Variants in PSKH2 observed in about 807,000 individuals in gnomAD.
The protein encoded by PSKH2 is serine/threonine-protein kinase H2.
PSKH2 carries 16 observed loss-of-function variants against 22.5 expected under a neutral mutation model. The observed-to-expected ratio is 0.71, with a 90% CI of 0.48 to 1.08. The LOEUF is 1.08. PSKH2 is among the 50% of genes least tolerant of loss of function. The probability of loss-of-function intolerance (pLI) is 0.00; values close to 1 mark genes in which losing one functional copy is unlikely to be tolerated. For missense variants in PSKH2, 516 were observed against 492.8 expected, an observed-to-expected ratio of 1.05 and a Z score of -0.44; for synonymous variants, 188 against 184.8, an observed-to-expected ratio of 1.02 and a Z score of -0.14.
intron 1 of PSKH2, among the ~76,000 whole-genome samples, 161 bp downstream of exon 1, chr8:86,069,277 T>C (rs1420284900): frequency 6.6e-6 from 1 of 152,078 alleles, no homozygotes; most frequent in Non-Finnish European, 1.5e-5. Flanking sequence ...TGTAGAAGAT[T>C]TACATCTCAA....
chr8:86,049,754 A>AGGAAG (rs1563538790), intron 2 of PSKH2, among the ~76,000 whole-genome samples: 1 of 55,884 alleles, frequency 1.8e-5, no homozygotes, highest in African/African-American at 6.8e-5. Flanking sequence ...AAGAAACGAA[A>AGGAAG]GAAAGAAAGA....
At chr8:86,061,772 G>A (rs888215409) in intron 2 of PSKH2, among the ~76,000 whole-genome samples, 16 of 152,112 alleles carry the variant, frequency 1.1e-4, no homozygotes, top group African/African-American at 2.9e-4. Flanking sequence ...TGGGGCCCTC[G>A]TGGATATTCC....
chr8:86,050,283 T>G (rs1228988141), intron 2 of PSKH2, among the ~76,000 whole-genome samples: 1 of 152,192 alleles, frequency 6.6e-6, no homozygotes, highest in Non-Finnish European at 1.5e-5. Flanking sequence ...CACTGAAATA[T>G]AACAGCCTTC....
Position 86,047,276 on chromosome 8 carries a change from A to G in PSKH2, c.*1186T>C, listed in dbSNP as rs1233466087. Among the ~76,000 whole-genome samples the G allele has an allele frequency of 1.3e-5, 2 of 152,166 alleles. No individual in the cohort carries two copies. The highest frequency in any genetic ancestry group is 4.8e-5 in the African/African-American group (2 of 41,446). On this transcript the variant is annotated 3_prime_UTR_variant, in exon 3 of 3. Coordinates refer to ENST00000276616, the MANE Select transcript of PSKH2 (RefSeq NM_033126.3). ...GAATTTGTAAGTGTCTTTCTATATTAAAGGAATTAATCCAGGTCTGTCATA... is the reference window on the plus strand; with the variant it reads ...GAATTTGTAAGTGTCTTTCTATATTGAAGGAATTAATCCAGGTCTGTCATA...
At chr8:86,062,536 G>A (rs984339677) in intron 2 of PSKH2, among the ~76,000 whole-genome samples, 5 of 152,238 alleles carry the variant, frequency 3.3e-5, no homozygotes, top group Admixed American at 2.0e-4. Flanking sequence ...GTTTCCCCAC[G>A]TTGTTCTCAT....
chr8:86,065,093 C>G (rs1410214273), intron 1 of PSKH2, among the ~76,000 whole-genome samples: 1 of 152,104 alleles, frequency 6.6e-6, no homozygotes, highest in East Asian at 1.9e-4. Context: ...AATGTTAAGA[C>G]CCCCCTCTAC....
intron 2 of PSKH2, among the ~76,000 whole-genome samples, chr8:86,060,448 T>C (rs1272844262): frequency 6.6e-6 from 1 of 152,224 alleles, no homozygotes; most frequent in Non-Finnish European, 1.5e-5. Flanking sequence ...GACTTGGCAA[T>C]AGACGCTAAA....
upstream of PSKH2, among the ~76,000 whole-genome samples, chr8:86,069,941 TTGTATAAAGGA>T (rs1817924261): frequency 6.6e-6 from 1 of 152,168 alleles, no homozygotes; most frequent in South Asian, 2.1e-4. Context: ...AATTATACGA[TTGTATAAAGGA>T]TATCGTCCCT....
chr8:86,051,819 T>C (rs1416180020), intron 2 of PSKH2, among the ~76,000 whole-genome samples: 1 of 152,202 alleles, frequency 6.6e-6, no homozygotes, highest in Admixed American at 6.5e-5. Flanking sequence ...TAAAATGCAG[T>C]TGAAGAAAAT....
rs869292908 is a variant in PSKH2 at position 86,049,721 on chromosome 8, AGAAAGAAAGAAAGAAAGAAAGAAAGAAAC to A, written c.853-983_853-955del. 9.4e-3 allele frequency among the ~76,000 whole-genome samples: 644 copies of A among 68,600 alleles called. 27 individuals are homozygous for A. The highest frequency in any genetic ancestry group is 0.06 in the Middle Eastern group (10 of 166). 45.0% of individuals were successfully genotyped at this position (68,600 alleles called of 152,430 possible). A position where few individuals can be genotyped will look rare whatever the true frequency, so the allele number is the denominator to read the frequency against. ...AAGAAAGAAAGAAAGAAAGAAAGAA[AGAAAGAAAGAAAGAAAGAAAGAAAGAAAC>A]GAAAGAAAGAAAGAAAGAGAAAAGA... is the stretch of plus-strand genomic sequence containing the variant. On this transcript the variant is annotated intron_variant, in intron 2 of 2. Coordinates refer to ENST00000276616, the MANE Select transcript of PSKH2 (RefSeq NM_033126.3).
chr8:86,053,070 A>G (rs752776570), intron 2 of PSKH2, among the ~76,000 whole-genome samples: 2 of 152,222 alleles, frequency 1.3e-5, no homozygotes, highest in Non-Finnish European at 2.9e-5. Flanking sequence ...TCACCTTCAG[A>G]GAAGTCAGAA....
chr8:86,051,362 A>G (rs2130142395), intron 2 of PSKH2, among the ~76,000 whole-genome samples: 1 of 152,322 alleles, frequency 6.6e-6, no homozygotes, highest in Admixed American at 6.5e-5. Flanking sequence ...TGTTGGGATT[A>G]CAGGCGTAAA....
At chr8:86,068,124 T>C (rs796387219) in intron 1 of PSKH2, among the ~76,000 whole-genome samples, 10 of 152,310 alleles carry the variant, frequency 6.6e-5, no homozygotes, top group African/African-American at 2.4e-4. Context: ...TTCAGTTCAG[T>C]CATATTAGCC....
chr8:86,050,065 A>G (rs1224444245), intron 2 of PSKH2, among the ~76,000 whole-genome samples: 1 of 152,192 alleles, frequency 6.6e-6, no homozygotes, highest in Non-Finnish European at 1.5e-5. Context: ...AGTAGTTCCT[A>G]TTTCAGGGAT....
At chr8:86,049,718 GAAAGAAAGAAAGAAAGAA>G (rs1817591321) in intron 2 of PSKH2, among the ~76,000 whole-genome samples, 1 of 68,742 alleles carries the variant, frequency 1.5e-5, no homozygotes, top group Non-Finnish European at 2.8e-5. Flanking sequence ...AAGAAAGAAA[GAAAGAAAGAAAGAAAGAA>G]AGAAAGAAAG....
chr8:86,068,851 G>A (rs558833926), intron 1 of PSKH2, among the ~76,000 whole-genome samples: 2 of 151,150 alleles, frequency 1.3e-5, no homozygotes, highest in Non-Finnish European at 2.9e-5. Flanking sequence ...CCCCACCTCC[G>A]AAGATAGGAA....
intron 2 of PSKH2, among the ~76,000 whole-genome samples, chr8:86,056,428 A>AT (rs1244187581): frequency 2.6e-5 from 4 of 152,264 alleles, no homozygotes; most frequent in African/African-American, 9.6e-5. Context: ...GTGGAATATA[A>AT]TTAGACAAGA....
rs150352692 is a variant in PSKH2, at chr8:86,060,207, C to T, written c.852+3758G>A. Reference sequence around the variant, plus strand: ...TGTCTCCAAACTCCAAGTCTCTGTTCCTTTCTGTACAGTATGAAAACTTCA... The same window carrying T: ...TGTCTCCAAACTCCAAGTCTCTGTTTCTTTCTGTACAGTATGAAAACTTCA... On this transcript the variant is annotated intron_variant, in intron 2 of 2. Coordinates refer to ENST00000276616, the MANE Select transcript of PSKH2 (RefSeq NM_033126.3). 9.5e-4 allele frequency among the ~76,000 whole-genome samples: 145 copies of T among 152,228 alleles called. 1 individual carries two copies. Among genetic ancestry groups the T allele is most frequent in the African/African-American group, 3.4e-3 (143 of 41,524 alleles).
intron 2 of PSKH2, among the ~76,000 whole-genome samples, chr8:86,052,942 T>A (rs1586058559): frequency 6.6e-6 from 1 of 152,124 alleles, no homozygotes; most frequent in African/African-American, 2.4e-5. Flanking sequence ...AAAACAACAG[T>A]GACCCAAAAA....
Sources: gnomAD v4.1 joint callset for allele counts (sites outside exome capture counted in the v4.1 genomes callset) on GRCh38, gnomAD v4.1.1 for gene constraint, MANE v1.5 for transcripts, NCBI Gene and HGNC (gene_info 2026-07-23, HGNC 2026-07-21) for gene names.